ANKIB1: variants seen among roughly 807,000 people sequenced by gnomAD.
ANKIB1 encodes the protein ankyrin repeat and IBR domain containing 1.
ANKIB1 carries 43 observed loss-of-function variants against 122.1 expected under a neutral mutation model. The ratio of observed to expected loss-of-function variants is 0.35; its 90% CI spans 0.28 to 0.45. The LOEUF (loss-of-function observed/expected upper bound fraction) is 0.45. Ranked by LOEUF, ANKIB1 falls within the 20% of genes least tolerant of loss-of-function variation. The pLI is 1.00. For missense variants in ANKIB1, 992 were observed against 1,329.5 expected, an observed-to-expected ratio of 0.75 and a Z score of 3.95; for synonymous variants, 390 against 442.0, an observed-to-expected ratio of 0.88 and a Z score of 1.48.
chr7:92,330,033 T>TAAAGG (rs1278092269), intron 5 of ANKIB1, among the ~76,000 whole-genome samples: 33 of 152,232 alleles, frequency 2.2e-4, no homozygotes, highest in Non-Finnish European at 4.1e-4. Flanking sequence ...GTAGACTTTA[T>TAAAGG]GACATAATCT....
At chr7:92,253,015 G>A (rs1801361064) in intron 1 of ANKIB1, among the ~76,000 whole-genome samples, 1 of 152,024 alleles carries the variant, frequency 6.6e-6, no homozygotes, top group African/African-American at 2.4e-5. Flanking sequence ...CGTCATAAAA[G>A]ACAGAATTAG....
intron 11 of ANKIB1, among the ~76,000 whole-genome samples, chr7:92,375,509 A>G (rs2115654807): frequency 6.6e-6 from 1 of 152,340 alleles, no homozygotes; most frequent in Non-Finnish European, 1.5e-5. Context: ...CTTATCCGTA[A>G]GAAACAACTT....
intron 1 of ANKIB1, among the ~76,000 whole-genome samples, chr7:92,291,567 C>CT (rs1188174295): frequency 0.038 from 4,415 of 116,476 alleles, 106 homozygotes; most frequent in Non-Finnish European, 0.044. Context: ...TTTTCTTTTT[C>CT]TTTTTTTTTT....
Position 92,386,495 on chromosome 7 carries a change from G to C in ANKIB1, c.1618-14G>C. 7.6e-6 allele frequency: 12 copies of C among 1,579,258 alleles called. No homozygotes were observed. Among genetic ancestry groups the C allele is most frequent in the Non-Finnish European group, 1.0e-5 (12 of 1,165,862 alleles). On this transcript the variant is annotated splice_polypyrimidine_tract_variant and intron_variant, in intron 11 of 19. Coordinates refer to ENST00000265742, the MANE Select transcript of ANKIB1 (RefSeq NM_019004.2). ...AATATGGGGAGATGTTTTCATCTGT[G>C]TTTTCTTTTGAAGTGCAAGTATGAC...
chr7:92,390,129 T>A lies in ANKIB1; in HGVS notation c.2052+13T>A, dbSNP rs771424524. ...TGAACTAATGCAAGTAAGATTTTTT[T>A]AATTACATTTAAATGGCAGCAGTTA... is the stretch of plus-strand genomic sequence containing the variant. On this transcript the variant is annotated intron_variant, in intron 15 of 19. Transcript: ENST00000265742. 2.1e-5 allele frequency: 33 copies of A among 1,538,478 alleles called. No homozygotes were observed. Among genetic ancestry groups the A allele is most frequent in the Middle Eastern group, 4.0e-4 (2 of 5,002 alleles).
At chr7:92,373,007 TACTTG>T (rs1254123582) in intron 11 of ANKIB1, among the ~76,000 whole-genome samples, 2 of 152,124 alleles carry the variant, frequency 1.3e-5, no homozygotes, top group African/African-American at 4.8e-5. Flanking sequence ...ATTATTACTA[TACTTG>T]CAAAAGAATG....
intron 1 of ANKIB1, among the ~76,000 whole-genome samples, chr7:92,270,762 A>G (rs902883537): frequency 1.1e-4 from 14 of 123,434 alleles, no homozygotes; most frequent in African/African-American, 3.8e-4. Flanking sequence ...TGAGAATGTC[A>G]TATCAATAGA....
At chr7:92,354,547 T>A (rs1803744960) in intron 9 of ANKIB1, among the ~76,000 whole-genome samples, 1 of 152,148 alleles carries the variant, frequency 6.6e-6, no homozygotes, top group African/African-American at 2.4e-5. Flanking sequence ...TAAAAATAAG[T>A]TTTAGTGAAG....
intron 7 of ANKIB1, among the ~76,000 whole-genome samples, chr7:92,348,282 A>G (rs1005331803): frequency 6.6e-6 from 1 of 152,192 alleles, no homozygotes; most frequent in Non-Finnish European, 1.5e-5. Context: ...ACAAGGGACT[A>G]TACAACTTCC....
chr7:92,349,024 A>G (rs1425451835), intron 7 of ANKIB1, among the ~76,000 whole-genome samples: 3 of 152,222 alleles, frequency 2.0e-5, no homozygotes, highest in African/African-American at 7.2e-5. Context: ...TATTTTGTCA[A>G]GAAACTTTGA....
chr7:92,344,661 T>A (rs936126180), intron 6 of ANKIB1, among the ~76,000 whole-genome samples: 7 of 152,164 alleles, frequency 4.6e-5, no homozygotes, highest in Non-Finnish European at 1.0e-4. Context: ...AACATGTAAT[T>A]TGATGTTGGC....
intron 2 of ANKIB1, among the ~76,000 whole-genome samples, chr7:92,300,818 C>A (rs1585096034): frequency 1.3e-5 from 2 of 152,066 alleles, no homozygotes; most frequent in East Asian, 3.9e-4. Flanking sequence ...CATCTTCTAA[C>A]TGAAAATTTG....
At chr7:92,270,732 T>TG (rs1457664081) in intron 1 of ANKIB1, among the ~76,000 whole-genome samples, 2 of 142,588 alleles carry the variant, frequency 1.4e-5, no homozygotes, top group Non-Finnish European at 3.0e-5. Flanking sequence ...GCTATAGTTT[T>TG]TTTTTTTTTT....
chr7:92,310,781 A>T (rs372447816), intron 3 of ANKIB1, among the ~76,000 whole-genome samples: 1 of 152,206 alleles, frequency 6.6e-6, no homozygotes. Flanking sequence ...CAAGAAAAAA[A>T]CGTGGATGTT....
rs1801874202 is a variant in ANKIB1 at position 92,275,095 on chromosome 7, T to C, written c.-90-19794T>C. ...TTGACCTTTGCTTACTCAATTTAGC[T>C]TTGCTAAACTAGTTGCCTGTTGTGT... On this transcript the variant is annotated intron_variant, in intron 1 of 19. Transcript: ENST00000265742. 1.3e-5 allele frequency among the ~76,000 whole-genome samples: 2 copies of C among 152,236 alleles called. 1 individual carries two copies. The highest frequency in any genetic ancestry group is 1.3e-4 in the Admixed American group (2 of 15,288).
At chr7:92,293,656 TAA>T (rs1317533066) in intron 1 of ANKIB1, among the ~76,000 whole-genome samples, 2 of 152,360 alleles carry the variant, frequency 1.3e-5, no homozygotes, top group East Asian at 3.9e-4. Flanking sequence ...TTGCCCTGCA[TAA>T]AAGCCTTTAA....
rs118087187 is a variant in ANKIB1 at position 92,327,539 on chromosome 7, A to C, written c.670-244A>C. 1.5e-4 allele frequency among the ~76,000 whole-genome samples: 23 copies of C among 152,322 alleles called. No individual in the cohort carries two copies. The East Asian group carries it at 4.4e-3, about 29-fold the overall frequency. On this transcript the variant is annotated intron_variant, in intron 4 of 19. Transcript: ENST00000265742. ...GTTAGTTATTAACTAGTACAATGCA[A>C]ATAATATGTAATTAGTTGTTATACT...
intron 14 of ANKIB1, among the ~76,000 whole-genome samples, chr7:92,388,663 T>G (rs947283329): frequency 2.0e-5 from 3 of 152,222 alleles, no homozygotes; most frequent in African/African-American, 7.2e-5. Context: ...CTGGTATGTT[T>G]GTTTTAAAAA....
chr7:92,368,720 C>CAA (rs753061018), intron 10 of ANKIB1, among the ~76,000 whole-genome samples: 34 of 100,794 alleles, frequency 3.4e-4, no homozygotes, highest in Admixed American at 3.1e-4. Context: ...GACTCCGTCT[C>CAA]AAAAAAAAAA....
Sources: allele counts gnomAD v4.1 joint callset (sites outside exome capture counted in the v4.1 genomes callset), GRCh38; gene constraint gnomAD v4.1.1; transcripts MANE v1.5; gene names NCBI Gene and HGNC (gene_info 2026-07-23, HGNC 2026-07-21).